The following COL23A1 variants were observed in gnomAD, a reference collection of about 807,000 sequenced individuals.
COL23A1 encodes the protein collagen alpha-1(XXIII) chain.
COL23A1 carries 97 observed loss-of-function variants against 99.3 expected under a neutral mutation model. The observed-to-expected ratio is 0.98, with a 90% CI of 0.83 to 1.16. COL23A1 has a LOEUF of 1.16. Among genes scored for constraint, COL23A1 ranks in the 50% most tolerant of loss-of-function variants. COL23A1 has a pLI of 0.00. For missense variants in COL23A1, 762 were observed against 757.4 expected, an observed-to-expected ratio of 1.01 and a Z score of -0.07; for synonymous variants, 320 against 308.2, an observed-to-expected ratio of 1.04 and a Z score of -0.40.
intron 2 of COL23A1, among the ~76,000 whole-genome samples, chr5:178,401,458 T>C (rs905445610): frequency 1.3e-5 from 2 of 152,206 alleles, no homozygotes; most frequent in African/African-American, 2.4e-5. Flanking sequence ...CATAGCGCAT[T>C]TGAGATCCAC....
intron 2 of COL23A1, among the ~76,000 whole-genome samples, chr5:178,417,120 C>A (rs142274500): frequency 2.0e-5 from 3 of 152,180 alleles, no homozygotes; most frequent in Non-Finnish European, 4.4e-5. Context: ...GTGTCAGCAG[C>A]GTTTGGTCCT....
intron 2 of COL23A1, among the ~76,000 whole-genome samples, chr5:178,355,855 C>T (rs1038222809): frequency 4.6e-5 from 7 of 152,048 alleles, no homozygotes; most frequent in Non-Finnish European, 8.8e-5. Flanking sequence ...GGGCTGACTG[C>T]GTATTGCGAA....
intron 2 of COL23A1, among the ~76,000 whole-genome samples, chr5:178,342,163 C>T (rs1216754189): frequency 6.6e-6 from 1 of 152,154 alleles, no homozygotes; most frequent in Non-Finnish European, 1.5e-5. Context: ...CTGCTGAGTG[C>T]GGCTGCAGTT....
intron 2 of COL23A1, among the ~76,000 whole-genome samples, chr5:178,477,148 A>G (rs1757076288): frequency 6.6e-6 from 1 of 152,166 alleles, no homozygotes; most frequent in Admixed American, 6.6e-5. Flanking sequence ...TAAGAGGCTG[A>G]GAGATAGCGG....
At chr5:178,369,215 G>C (rs1489749288) in intron 2 of COL23A1, among the ~76,000 whole-genome samples, 3 of 152,164 alleles carry the variant, frequency 2.0e-5, no homozygotes, top group Non-Finnish European at 4.4e-5. Flanking sequence ...CTGTCCAGGG[G>C]AGACGAACAG....
chr5:178,238,282 G>C lies in COL23A1; in HGVS notation c.*416C>G, dbSNP rs1260757254. ...GAGGCCAGGAGCAACAGCAGCCGCTGTTCCACCCCTGGGTCTTCTTGGATA... is the reference window on the plus strand; with the variant it reads ...GAGGCCAGGAGCAACAGCAGCCGCTCTTCCACCCCTGGGTCTTCTTGGATA... On this transcript the variant is annotated 3_prime_UTR_variant, in exon 29 of 29. Transcript: ENST00000390654. 2 of 164,584 alleles carry C rather than the reference G, an allele frequency of 1.2e-5. No homozygotes were observed. Among genetic ancestry groups the C allele is most frequent in the African/African-American group, 2.4e-5 (1 of 41,772 alleles). 10.2% of individuals were successfully genotyped at this position (164,584 alleles called of 1,614,324 possible). A position where few individuals can be genotyped will look rare whatever the true frequency, so the allele number is the denominator to read the frequency against.
At chr5:178,341,724 C>T (rs1760675240) in intron 2 of COL23A1, among the ~76,000 whole-genome samples, 1 of 152,088 alleles carries the variant, frequency 6.6e-6, no homozygotes. Flanking sequence ...CTGACCTCGT[C>T]TCCCACTCAC....
intron 10 of COL23A1, 63 bp from the exon 11 acceptor site, chr5:178,261,811 CT>C: frequency 7.4e-7 from 1 of 1,347,496 alleles, no homozygotes; most frequent in Non-Finnish European, 1.1e-6. Flanking sequence ...GCCTGTCCTT[CT>C]TAGCATCCTG....
rs1182963708 is a variant in COL23A1, at chr5:178,366,888, A to G, written c.362-59969T>C. On this transcript the variant is annotated intron_variant, in intron 2 of 28. Transcript: ENST00000390654. The surrounding 1 kb of genome is among the most constrained non-coding windows in gnomAD (Gnocchi z 4.4). ...TGCAGCCCCACGTGGCCCACTTGGC[A>G]TGAGTGGCTGGCTTGCTCGCCTTCC... 6.6e-6 allele frequency among the ~76,000 whole-genome samples: 1 copy of G among 152,190 alleles called. No individual in the cohort carries two copies. Among genetic ancestry groups the G allele is most frequent in the Non-Finnish European group, 1.5e-5 (1 of 68,032 alleles).
chr5:178,304,163 T>G (rs1004093246), intron 3 of COL23A1, among the ~76,000 whole-genome samples: 4 of 152,028 alleles, frequency 2.6e-5, no homozygotes, highest in African/African-American at 9.7e-5. Context: ...TCTGCAGGCC[T>G]GCAGCGGCCT....
At chr5:178,498,206 A>ATATATC in intron 2 of COL23A1, among the ~76,000 whole-genome samples, 1 of 3,968 alleles carries the variant, frequency 2.5e-4, no homozygotes, top group Non-Finnish European at 4.5e-4. Context: ...CTTTATTTAA[A>ATATATC]TATATATATA....
chr5:178,387,161 C>A lies in COL23A1; in HGVS notation c.362-80242G>T, dbSNP rs539930474. On this transcript the variant is annotated intron_variant, in intron 2 of 28. Transcript: ENST00000390654. This position sits in a 1 kb window ranked among gnomAD's most constrained non-coding sequence, Gnocchi z 4.7. ...CACCCTCTTTTCTCTTTCATTTTAC[C>A]CATCCTGGTGCTGACAGCTCACAGC... Among the ~76,000 whole-genome samples the A allele has an allele frequency of 5.5e-4, 83 of 152,108 alleles. 1 individual carries two copies. Among genetic ancestry groups the A allele is most frequent in the Non-Finnish European group, 8.1e-4 (55 of 67,994 alleles).
chr5:178,560,768 AG>A lies in COL23A1; in HGVS notation c.295-21del. ...CAACTTCTGAGCCGGAAAAAAAAAA[AG>A]AAAAAAAACGAGGAGAGAATGAGTT... is the stretch of plus-strand genomic sequence containing the variant. On this transcript the variant is annotated intron_variant, in intron 1 of 28. Coordinates refer to ENST00000390654, the MANE Select transcript of COL23A1 (RefSeq NM_173465.4). 1 of 1,595,292 alleles carries A rather than the reference AG, an allele frequency of 6.3e-7. No individual in the cohort carries two copies. Among genetic ancestry groups the A allele is most frequent in the Non-Finnish European group, 8.5e-7 (1 of 1,171,308 alleles).
At chr5:178,402,627 C>G (rs577335753) in intron 2 of COL23A1, among the ~76,000 whole-genome samples, 51 of 152,064 alleles carry the variant, frequency 3.4e-4, no homozygotes, top group Non-Finnish European at 6.2e-4. Context: ...TGGCGCATGC[C>G]TGTAGTCGCA....
chr5:178,284,114 A>G (rs1400273242), intron 5 of COL23A1, among the ~76,000 whole-genome samples: 1 of 152,230 alleles, frequency 6.6e-6, no homozygotes, highest in Non-Finnish European at 1.5e-5. Flanking sequence ...CTGAAGGCTC[A>G]ACTTTTGATC....
intron 2 of COL23A1, among the ~76,000 whole-genome samples, chr5:178,475,275 G>A (rs995590940): frequency 6.6e-6 from 1 of 152,174 alleles, no homozygotes; most frequent in Non-Finnish European, 1.5e-5. Context: ...CATAACATGT[G>A]TTTTGAAAAC....
At chr5:178,243,045 C>G (rs1447293158) in intron 25 of COL23A1, among the ~76,000 whole-genome samples, 1 of 152,040 alleles carries the variant, frequency 6.6e-6, no homozygotes, top group Non-Finnish European at 1.5e-5. Context: ...CAAAAATTAG[C>G]CGAGTATGGT....
intron 2 of COL23A1, among the ~76,000 whole-genome samples, chr5:178,556,960 A>T (rs1762309032): frequency 6.6e-6 from 1 of 152,230 alleles, no homozygotes; most frequent in African/African-American, 2.4e-5. Flanking sequence ...TCTCAAAAAT[A>T]AATAAATTAA....
At chr5:178,489,242 C>T (rs1314407997) in intron 2 of COL23A1, among the ~76,000 whole-genome samples, 2 of 152,222 alleles carry the variant, frequency 1.3e-5, no homozygotes, top group Non-Finnish European at 2.9e-5. Flanking sequence ...CTCTTGCTTC[C>T]CCTCCCTTCT....
Sources: allele counts gnomAD v4.1 joint callset (sites outside exome capture counted in the v4.1 genomes callset), GRCh38; gene constraint gnomAD v4.1.1; non-coding constraint Gnocchi (gnomAD v3.1); transcripts MANE v1.5; gene names NCBI Gene and HGNC (gene_info 2026-07-23, HGNC 2026-07-21).